The following MIPEP variants were observed in gnomAD, a reference collection of about 807,000 sequenced individuals.
MIPEP encodes mitochondrial intermediate peptidase.
Under a neutral mutation model 90.3 loss-of-function variants are expected in MIPEP, and 79 were observed. The observed-to-expected ratio is 0.87, with a 90% CI of 0.73 to 1.05. The LOEUF (loss-of-function observed/expected upper bound fraction) is 1.05. Ranked by LOEUF, MIPEP falls within the 50% of genes least tolerant of loss-of-function variation. MIPEP has a pLI of 0.00. For synonymous variants in MIPEP, 334 were observed against 315.8 expected, an observed-to-expected ratio of 1.06 and a Z score of -0.61; for missense variants, 940 against 905.6, an observed-to-expected ratio of 1.04 and a Z score of -0.49.
chr13:23,787,945 C>A (rs1952865681), intron 16 of MIPEP, among the ~76,000 whole-genome samples: 2 of 152,220 alleles, frequency 1.3e-5, no homozygotes, highest in South Asian at 4.1e-4. Flanking sequence ...TGATTACTAT[C>A]ATTTCCATGA....
intron 18 of MIPEP, among the ~76,000 whole-genome samples, chr13:23,735,066 C>T (rs922847635): frequency 7.2e-5 from 11 of 152,188 alleles, no homozygotes; most frequent in Non-Finnish European, 1.3e-4. Flanking sequence ...GTATCCCCAC[C>T]TGTGTAGAAG....
At chr13:23,827,691 A>C (rs1044162213) in intron 14 of MIPEP, among the ~76,000 whole-genome samples, 8 of 152,198 alleles carry the variant, frequency 5.3e-5, no homozygotes, top group Non-Finnish European at 8.8e-5. Flanking sequence ...GTAAACTAGC[A>C]AACTATGAGG....
intron 10 of MIPEP, among the ~76,000 whole-genome samples, chr13:23,852,404 T>C (rs1205147388): frequency 1.3e-5 from 2 of 152,232 alleles, no homozygotes; most frequent in Non-Finnish European, 2.9e-5. Context: ...AGGGCTAGGA[T>C]TTCCTTTAAA....
chr13:23,846,304 C>T lies in MIPEP; in HGVS notation c.1107-4816G>A, dbSNP rs563205570. Among the ~76,000 whole-genome samples, 441 of 152,140 alleles carry T rather than the reference C, an allele frequency of 2.9e-3. 4 individuals are homozygous for T. Among genetic ancestry groups the T allele is most frequent in the African/African-American group, 0.01 (423 of 41,480 alleles). Reference sequence around the variant, plus strand: ...AATGCATACAATGGGGGAATAGCTGCTATTAGTAGTAAGGAAGAAGAGGAG... The same window carrying T: ...AATGCATACAATGGGGGAATAGCTGTTATTAGTAGTAAGGAAGAAGAGGAG... On this transcript the variant is annotated intron_variant, in intron 10 of 18. Transcript: ENST00000382172.
chr13:23,789,946 G>A (rs1301876600), intron 16 of MIPEP, among the ~76,000 whole-genome samples: 1 of 152,084 alleles, frequency 6.6e-6, no homozygotes, highest in Non-Finnish European at 1.5e-5. Flanking sequence ...TTCTTCTGCT[G>A]AGCTTTCTAA....
At chr13:23,845,255 TG>T (rs1338804739) in intron 10 of MIPEP, among the ~76,000 whole-genome samples, 1 of 152,168 alleles carries the variant, frequency 6.6e-6, no homozygotes, top group Admixed American at 6.5e-5. Context: ...CTTTCATGGG[TG>T]TAGTCATCCA....
At chr13:23,853,012 A>G (rs980845782) in intron 10 of MIPEP, among the ~76,000 whole-genome samples, 1 of 152,204 alleles carries the variant, frequency 6.6e-6, no homozygotes, top group African/African-American at 2.4e-5. Flanking sequence ...AAAAAGAGAA[A>G]ATATTGTTGT....
intron 7 of MIPEP, among the ~76,000 whole-genome samples, chr13:23,867,945 A>T (rs1215043310): frequency 6.8e-6 from 1 of 147,656 alleles, no homozygotes; most frequent in Non-Finnish European, 1.5e-5. Context: ...TTATATAAAT[A>T]TAAAATAAAA....
chr13:23,862,380 C>G lies in MIPEP; in HGVS notation c.993-18G>C. ...TCAGAGTTCTATAAAACAGGTTTAT[C>G]ATTACTTGTTAGGACAAAATTTTAA... On this transcript the variant is annotated intron_variant, in intron 8 of 18. Transcript: ENST00000382172. The G allele has an allele frequency of 1.3e-6, 2 of 1,499,886 alleles. No homozygotes were observed. Among genetic ancestry groups the G allele is most frequent in the Non-Finnish European group, 1.8e-6 (2 of 1,091,688 alleles). The allele number at this position is 1,499,886 out of a possible 1,614,324, so 92.9% of individuals were successfully genotyped here.
At chr13:23,739,985 C>T (rs886491215) in intron 18 of MIPEP, among the ~76,000 whole-genome samples, 16 of 152,208 alleles carry the variant, frequency 1.1e-4, no homozygotes, top group Admixed American at 3.9e-4. Flanking sequence ...TTGCTTTTTT[C>T]CACCTAGCAT....
intron 16 of MIPEP, among the ~76,000 whole-genome samples, chr13:23,793,800 G>T (rs964267925): frequency 6.6e-6 from 1 of 151,694 alleles, no homozygotes; most frequent in Non-Finnish European, 1.5e-5. Flanking sequence ...AAGGCAAAGG[G>T]AGCAGAAAGA....
At chr13:23,809,812 T>A (rs747297615) in intron 15 of MIPEP, 38 bp downstream of exon 15, 3 of 1,302,372 alleles carry the variant, frequency 2.3e-6, no homozygotes, top group Middle Eastern at 1.8e-4. Context: ...TTTGGGATAA[T>A]GACTCCGGAA....
chr13:23,821,187 C>G (rs1390912046), intron 14 of MIPEP, among the ~76,000 whole-genome samples: 1 of 152,144 alleles, frequency 6.6e-6, no homozygotes, highest in African/African-American at 2.4e-5. Context: ...AATCTGCAAC[C>G]TTTACAAACT....
At chr13:23,735,692 AG>A (rs1214857456) in intron 18 of MIPEP, among the ~76,000 whole-genome samples, 1 of 152,174 alleles carries the variant, frequency 6.6e-6, no homozygotes, top group Non-Finnish European at 1.5e-5. Context: ...AAAGAAATAT[AG>A]TTAGAGCTAA....
chr13:23,784,997 TGG>T (rs1952822579), intron 16 of MIPEP, among the ~76,000 whole-genome samples: 1 of 152,054 alleles, frequency 6.6e-6, no homozygotes, highest in Non-Finnish European at 1.5e-5. Flanking sequence ...CAACAGATGC[TGG>T]AGAGGATGTG....
rs188752060 is a variant in MIPEP at position 23,764,012 on chromosome 13, C to T, written c.1849-3795G>A. Among the ~76,000 whole-genome samples the T allele has an allele frequency of 1.2e-3, 186 of 152,292 alleles. 1 individual carries two copies. Among genetic ancestry groups the T allele is most frequent in the African/African-American group, 4.2e-3 (173 of 41,548 alleles). ...ATAAAATATAGCATTTCATCTTAAGCGCTGGAATTATGATATCCTCTTCCT... is the reference window on the plus strand; with the variant it reads ...ATAAAATATAGCATTTCATCTTAAGTGCTGGAATTATGATATCCTCTTCCT... On this transcript the variant is annotated intron_variant, in intron 16 of 18. Transcript: ENST00000382172.
intron 16 of MIPEP, among the ~76,000 whole-genome samples, chr13:23,771,242 C>T (rs1388311534): frequency 3.3e-5 from 5 of 152,206 alleles, no homozygotes; most frequent in Non-Finnish European, 7.3e-5. Context: ...GAAAAGTGTG[C>T]ACTGTGCTGG....
chr13:23,804,259 T>C (rs527527562), intron 16 of MIPEP, among the ~76,000 whole-genome samples: 2 of 152,350 alleles, frequency 1.3e-5, no homozygotes, highest in East Asian at 3.9e-4. Flanking sequence ...TCAGTCAAAC[T>C]GAAGTTTTGT....
At position 23,862,322 on chromosome 13, in the gene MIPEP, T is replaced by G. The variant is rs1044506863; in HGVS notation, c.1033A>C (p.Lys345Gln). ...CTTACGGAATTTTGAGGATTCAGTT[T>G]CATTTTCATCCCTCGTATCATCTCA... ...DFEMIRGMKM[K>Q]LNPQNSEVMP... is the part of the protein sequence containing the mutation. The change falls in exon 9 of 19, where the codon AAA becomes CAA. Residue 345 changes from lysine to glutamine, a missense_variant. Coordinates refer to ENST00000382172, the MANE Select transcript of MIPEP (RefSeq NM_005932.4). The G allele has an allele frequency of 3.2e-6, 5 of 1,581,910 alleles. No individual in the cohort carries two copies. Among genetic ancestry groups the G allele is most frequent in the African/African-American group, 2.7e-5 (2 of 74,394 alleles).
Sources: gnomAD v4.1 joint callset for allele counts (sites outside exome capture counted in the v4.1 genomes callset) on GRCh38, gnomAD v4.1.1 for gene constraint, MANE v1.5 for transcripts, NCBI Gene and HGNC (gene_info 2026-07-23, HGNC 2026-07-21) for gene names.